Variants in BCL2L11 observed in about 807,000 individuals in gnomAD.
BCL2L11 encodes BCL2 like 11, also known as bcl-2-like protein 11.
A neutral mutation model predicts 20.6 loss-of-function variants in BCL2L11; 15 were observed. The ratio of observed to expected loss-of-function variants is 0.73; its 90% CI spans 0.49 to 1.12. The LOEUF (loss-of-function observed/expected upper bound fraction) is 1.12, where lower values mean the gene tolerates loss of function less well. Among genes scored for constraint, BCL2L11 ranks in the 50% most tolerant of loss-of-function variants. The pLI, the probability that BCL2L11 is intolerant of heterozygous loss-of-function variation, is 0.00. For synonymous variants in BCL2L11, 108 were observed against 92.8 expected, an observed-to-expected ratio of 1.16 and a Z score of -0.94; for missense variants, 292 against 260.9, an observed-to-expected ratio of 1.12 and a Z score of -0.82.
intron 2 of BCL2L11, among the ~76,000 whole-genome samples, chr2:111,140,005 C>T (rs547045553): frequency 4.0e-4 from 61 of 152,342 alleles, no homozygotes; most frequent in Non-Finnish European, 5.6e-4. Context: ...ACACATCTTG[C>T]GCTCACAGTC....
chr2:111,142,021 T>C (rs1269396669), intron 2 of BCL2L11, among the ~76,000 whole-genome samples: 1 of 152,152 alleles, frequency 6.6e-6, no homozygotes, highest in Non-Finnish European at 1.5e-5. Flanking sequence ...CAATTCTATC[T>C]GTATCACACA....
intron 3 of BCL2L11, chr2:111,161,346 G>A: frequency 6.7e-7 from 1 of 1,499,384 alleles, no homozygotes; most frequent in Non-Finnish European, 9.1e-7. Flanking sequence ...CTTGTAATCA[G>A]GAAAGACAGT....
intron 3 of BCL2L11, among the ~76,000 whole-genome samples, chr2:111,151,188 C>T (rs1048340087): frequency 2.0e-5 from 3 of 152,134 alleles, no homozygotes; most frequent in Non-Finnish European, 2.9e-5. Flanking sequence ...AGGTGTGAGC[C>T]TCTGCGCCTG....
At chr2:111,157,841 A>G (rs1235711811) in intron 3 of BCL2L11, among the ~76,000 whole-genome samples, 2 of 152,246 alleles carry the variant, frequency 1.3e-5, no homozygotes, top group Non-Finnish European at 2.9e-5. Context: ...ATAGCAGATC[A>G]GCTGCAGCAC....
At chr2:111,151,381 G>A (rs1479001603) in intron 3 of BCL2L11, among the ~76,000 whole-genome samples, 1 of 152,190 alleles carries the variant, frequency 6.6e-6, no homozygotes, top group East Asian at 1.9e-4. Context: ...TATCCAAAAG[G>A]AAGACACTAA....
intron 2 of BCL2L11, among the ~76,000 whole-genome samples, chr2:111,128,323 T>G (rs1290914653): frequency 6.6e-6 from 1 of 152,146 alleles, no homozygotes; most frequent in Non-Finnish European, 1.5e-5. Context: ...TATCACATAC[T>G]TCATTTATCC....
chr2:111,157,939 T>C (rs1010385280), intron 3 of BCL2L11, among the ~76,000 whole-genome samples: 4 of 152,178 alleles, frequency 2.6e-5, no homozygotes, highest in African/African-American at 9.7e-5. Context: ...TAGTGCCCTT[T>C]CCCCAGCTGT....
rs1022999321 is a variant in BCL2L11, at chr2:111,120,973, T to TGCCGCTGCC, written c.-223_-215dup. ...GTTGGAGCTCTGCGTCCAGCGCCGC[T>TGCCGCTGCC]GCCGCTGCCGCCGCCGCCGCCGCCG... On this transcript the variant is annotated 5_prime_UTR_variant, in exon 1 of 4. Coordinates refer to ENST00000393256, the MANE Select transcript of BCL2L11 (RefSeq NM_138621.5). The TGCCGCTGCC allele has an allele frequency of 7.4e-6, 2 of 271,116 alleles. No individual in the cohort carries two copies. The highest frequency in any genetic ancestry group is 8.5e-5 in the African/African-American group (1 of 11,760). The allele number at this position is 271,116 out of a possible 1,614,324, so 16.8% of individuals were successfully genotyped here.
chr2:111,156,865 C>G (rs2077929164), intron 3 of BCL2L11, among the ~76,000 whole-genome samples: 1 of 152,190 alleles, frequency 6.6e-6, no homozygotes. Context: ...TCTGTTTCCT[C>G]TCACTTTGAA....
intron 2 of BCL2L11, among the ~76,000 whole-genome samples, chr2:111,140,115 A>T (rs2075569303): frequency 6.6e-6 from 1 of 152,184 alleles, no homozygotes; most frequent in Non-Finnish European, 1.5e-5. Flanking sequence ...GGATTTGGAC[A>T]TGAGTCTGGG....
intron 3 of BCL2L11, among the ~76,000 whole-genome samples, chr2:111,159,827 C>T (rs2078340068): frequency 6.6e-6 from 1 of 152,184 alleles, no homozygotes; most frequent in Non-Finnish European, 1.5e-5. Flanking sequence ...CAGGTTGCCA[C>T]CCAGATGAGC....
chr2:111,147,698 C>T (rs1175841589), intron 2 of BCL2L11, among the ~76,000 whole-genome samples: 1 of 152,160 alleles, frequency 6.6e-6, no homozygotes, highest in East Asian at 1.9e-4. Context: ...CCAGCCCAAG[C>T]ACGAGCCATG....
At chr2:111,153,861 C>T in intron 3 of BCL2L11, 2 of 1,550,926 alleles carry the variant, frequency 1.3e-6, no homozygotes, top group Non-Finnish European at 1.7e-6. Flanking sequence ...TGAGACGGAG[C>T]TGTGGAGGCT....
chr2:111,156,603 A>G (rs139627689), intron 3 of BCL2L11, among the ~76,000 whole-genome samples: 245 of 152,212 alleles, frequency 1.6e-3, no homozygotes, highest in African/African-American at 5.6e-3. Context: ...GGCTGGGATT[A>G]TGTGGACTAT....
intron 3 of BCL2L11, among the ~76,000 whole-genome samples, chr2:111,162,377 G>A (rs1313950848): frequency 6.6e-6 from 1 of 152,122 alleles, no homozygotes; most frequent in African/African-American, 2.4e-5. Flanking sequence ...TGTAACTTTT[G>A]CCAAAATTTC....
At chr2:111,146,725 TC>T (rs1173658801) in intron 2 of BCL2L11, among the ~76,000 whole-genome samples, 1 of 152,246 alleles carries the variant, frequency 6.6e-6, no homozygotes, top group Non-Finnish European at 1.5e-5. Context: ...AGAGGCTTTC[TC>T]TATCCCCATA....
chr2:111,148,726 C>G (rs778130987), intron 2 of BCL2L11, among the ~76,000 whole-genome samples: 4 of 152,124 alleles, frequency 2.6e-5, no homozygotes, highest in African/African-American at 9.7e-5. Context: ...TCCCTCTTAC[C>G]CCACTGCCAC....
rs889233898 is a variant in BCL2L11 at position 111,167,942 on chromosome 2, T to C, written c.*3711T>C. Reference sequence around the variant, plus strand: ...AGCTTTAAGGAGACTTCATGGTGGTTCCATGCAGGTGGTTCTGCCATCCCT... The same window carrying C: ...AGCTTTAAGGAGACTTCATGGTGGTCCCATGCAGGTGGTTCTGCCATCCCT... On this transcript the variant is annotated 3_prime_UTR_variant, in exon 4 of 4. Coordinates refer to ENST00000393256, the MANE Select transcript of BCL2L11 (RefSeq NM_138621.5). The C allele has an allele frequency of 6.6e-6, 1 of 152,670 alleles. No individual in the cohort carries two copies. The highest frequency in any genetic ancestry group is 2.4e-5 in the African/African-American group (1 of 41,444). The allele number at this position is 152,670 out of a possible 1,614,324, so 9.5% of individuals were successfully genotyped here.
Position 111,166,876 on chromosome 2 carries a change from T to G in BCL2L11, c.*2645T>G, listed in dbSNP as rs1467398493. On this transcript the variant is annotated 3_prime_UTR_variant, in exon 4 of 4. Transcript: ENST00000393256. The stretch of plus-strand genomic sequence containing the variant: ...CTTCTTAATGTATATATTGTGAGTA[T>G]TTATTAGATTCGTAGGTCATATTAC... 6.6e-6 allele frequency: 1 copy of G among 152,628 alleles called. No individual in the cohort carries two copies. Among genetic ancestry groups the G allele is most frequent in the African/African-American group, 2.4e-5 (1 of 41,456 alleles). 9.5% of individuals were successfully genotyped at this position (152,628 alleles called of 1,614,324 possible).
Sources: gnomAD v4.1 joint callset for allele counts (sites outside exome capture counted in the v4.1 genomes callset) on GRCh38, gnomAD v4.1.1 for gene constraint, MANE v1.5 for transcripts, NCBI Gene and HGNC (gene_info 2026-07-23, HGNC 2026-07-21) for gene names.